ABTB2: variants seen among roughly 807,000 people sequenced by gnomAD.
ABTB2 encodes ankyrin repeat and BTB domain containing 2.
ABTB2 carries 56 observed loss-of-function variants against 104.1 expected under a neutral mutation model. That is an observed-to-expected ratio of 0.54 (90% CI 0.43 to 0.67). The LOEUF (loss-of-function observed/expected upper bound fraction) is 0.67. Ranked by LOEUF, ABTB2 falls within the 30% of genes least tolerant of loss-of-function variation. The probability of loss-of-function intolerance (pLI) is 0.00; values close to 1 mark genes in which losing one functional copy is unlikely to be tolerated. For synonymous variants in ABTB2, 606 were observed against 608.2 expected, an observed-to-expected ratio of 1.00 and a Z score of 0.05; for missense variants, 1,279 against 1,407.7, an observed-to-expected ratio of 0.91 and a Z score of 1.46.
chr11:34,317,926 C>A (rs1411088418), intron 1 of ABTB2, among the ~76,000 whole-genome samples: 1 of 151,722 alleles, frequency 6.6e-6, no homozygotes, highest in Non-Finnish European at 1.5e-5. Context: ...TGTAATTTTT[C>A]AACCCTCACC....
At chr11:34,238,887 G>A (rs1010366925) in intron 1 of ABTB2, among the ~76,000 whole-genome samples, 14 of 152,124 alleles carry the variant, frequency 9.2e-5, no homozygotes, top group African/African-American at 2.4e-4. Flanking sequence ...CTGAGTAGCT[G>A]GGACTACAGG....
intron 3 of ABTB2, among the ~76,000 whole-genome samples, chr11:34,192,191 G>GA (rs946980441): frequency 1.3e-5 from 2 of 152,138 alleles, no homozygotes; most frequent in Non-Finnish European, 2.9e-5. Flanking sequence ...TACTGGGGGG[G>GA]CTGAGGTGGG....
intron 1 of ABTB2, among the ~76,000 whole-genome samples, chr11:34,256,656 G>A (rs1854126544): frequency 6.6e-6 from 1 of 152,312 alleles, no homozygotes; most frequent in South Asian, 2.1e-4. Flanking sequence ...GGGGCTTGGT[G>A]GAGGACGAGG....
intron 1 of ABTB2, among the ~76,000 whole-genome samples, chr11:34,317,161 A>T (rs76219478): frequency 2.0e-5 from 3 of 152,200 alleles, no homozygotes; most frequent in Non-Finnish European, 4.4e-5. Context: ...TAACAAAGAC[A>T]TGACCTCTCT....
chr11:34,330,892 G>A (rs1376228827), intron 1 of ABTB2, among the ~76,000 whole-genome samples: 3 of 152,208 alleles, frequency 2.0e-5, no homozygotes, highest in Non-Finnish European at 4.4e-5. Context: ...AGCTACATCT[G>A]CAAAAGTACA....
chr11:34,332,396 A>C (rs1430550240), intron 1 of ABTB2, among the ~76,000 whole-genome samples: 1 of 152,226 alleles, frequency 6.6e-6, no homozygotes, highest in Non-Finnish European at 1.5e-5. Flanking sequence ...CTAAGGTCAA[A>C]TGGAATCCTA....
Position 34,154,941 on chromosome 11 carries a change from G to A in ABTB2, c.2698-172C>T, listed in dbSNP as rs886983306. 6.6e-6 allele frequency among the ~76,000 whole-genome samples: 1 copy of A among 152,140 alleles called. No individual in the cohort carries two copies. The highest frequency in any genetic ancestry group is 2.4e-5 in the African/African-American group (1 of 41,450). Reference sequence around the variant, plus strand: ...CTCAGGCTGAGACTTGTGTTTTCCCGGGGAAGCCAACTCCAAGACCCTCTC... The same window carrying A: ...CTCAGGCTGAGACTTGTGTTTTCCCAGGGAAGCCAACTCCAAGACCCTCTC... On this transcript the variant is annotated intron_variant, in intron 14 of 16. Coordinates refer to ENST00000435224, the MANE Select transcript of ABTB2 (RefSeq NM_145804.3). The surrounding 1 kb of genome is among the most constrained non-coding windows in gnomAD (Gnocchi z 4.9).
At chr11:34,263,500 G>A (rs1405790066) in intron 1 of ABTB2, among the ~76,000 whole-genome samples, 1 of 152,142 alleles carries the variant, frequency 6.6e-6, no homozygotes, top group Non-Finnish European at 1.5e-5. Flanking sequence ...ACACAGGTCT[G>A]CTCAGGCTTT....
At chr11:34,269,505 T>G (rs1854288745) in intron 1 of ABTB2, among the ~76,000 whole-genome samples, 1 of 152,194 alleles carries the variant, frequency 6.6e-6, no homozygotes, top group Admixed American at 6.5e-5. Flanking sequence ...AAGGGTCAGG[T>G]AGCAAATACT....
chr11:34,177,848 T>C (rs1225819220), intron 3 of ABTB2, among the ~76,000 whole-genome samples: 1 of 152,142 alleles, frequency 6.6e-6, no homozygotes, highest in Non-Finnish European at 1.5e-5. Flanking sequence ...ATTACAGGCA[T>C]GAGGCACCGT....
chr11:34,155,345 G>C (rs1214513070), intron 14 of ABTB2, among the ~76,000 whole-genome samples: 3 of 152,234 alleles, frequency 2.0e-5, no homozygotes, highest in Non-Finnish European at 4.4e-5. Context: ...AGAAAGCGCA[G>C]AGCCCAGGCC....
chr11:34,326,458 T>C (rs1283316665), intron 1 of ABTB2, among the ~76,000 whole-genome samples: 1 of 151,988 alleles, frequency 6.6e-6, no homozygotes, highest in Non-Finnish European at 1.5e-5. Flanking sequence ...CCCCCATCTC[T>C]ACTAAAAATA....
chr11:34,163,646 T>C (rs1017976223), intron 9 of ABTB2, among the ~76,000 whole-genome samples: 1 of 152,184 alleles, frequency 6.6e-6, no homozygotes, highest in African/African-American at 2.4e-5. Context: ...CAGATCCTCC[T>C]CCTACCTGCC....
chr11:34,238,756 TC>T (rs57848034), intron 1 of ABTB2, among the ~76,000 whole-genome samples: 164 of 152,256 alleles, frequency 1.1e-3, no homozygotes, highest in African/African-American at 3.6e-3. Context: ...TAATCATCAT[TC>T]TTTTTTTTTC....
intron 1 of ABTB2, among the ~76,000 whole-genome samples, chr11:34,205,418 T>C (rs1853397209): frequency 6.6e-6 from 1 of 152,246 alleles, no homozygotes; most frequent in Non-Finnish European, 1.5e-5. Flanking sequence ...CAACTCACTA[T>C]GTGGCTTCTT....
At chr11:34,236,970 A>G (rs1435750956) in intron 1 of ABTB2, among the ~76,000 whole-genome samples, 1 of 152,200 alleles carries the variant, frequency 6.6e-6, no homozygotes, top group East Asian at 1.9e-4. Context: ...TGTATGCAAA[A>G]AGACAAAATC....
chr11:34,235,065 G>A (rs572834021), intron 1 of ABTB2, among the ~76,000 whole-genome samples: 153 of 152,150 alleles, frequency 1.0e-3, no homozygotes, highest in African/African-American at 3.6e-3. Flanking sequence ...GTTTCACCGT[G>A]TTAGCCAGGA....
chr11:34,152,607 G>A (rs777358324), intron 16 of ABTB2, 23 bp from the exon 17 acceptor site: 2 of 1,596,162 alleles, frequency 1.3e-6, no homozygotes, highest in Non-Finnish European at 1.7e-6. Flanking sequence ...GAGAGGAGGG[G>A]TGAAGCCCAT....
chr11:34,282,607 C>T (rs1410449926), intron 1 of ABTB2, among the ~76,000 whole-genome samples: 1 of 150,166 alleles, frequency 6.7e-6, no homozygotes, highest in East Asian at 2.0e-4. Flanking sequence ...GCTCACTGCA[C>T]CCTCCACCTC....
Sources: gnomAD v4.1 joint callset for allele counts (sites outside exome capture counted in the v4.1 genomes callset) on GRCh38, gnomAD v4.1.1 for gene constraint, Gnocchi (gnomAD v3.1) non-coding constraint, MANE v1.5 for transcripts, NCBI Gene and HGNC (gene_info 2026-07-23, HGNC 2026-07-21) for gene names.